TMEFF2: variants seen among roughly 807,000 people sequenced by gnomAD.
TMEFF2 encodes the protein transmembrane protein with EGF like and two follistatin like domains 2, also known as tomoregulin-2.
In TMEFF2, 28 loss-of-function variants were observed where a neutral mutation model predicts 53.8. That is an observed-to-expected ratio of 0.52 (90% CI 0.39 to 0.71). The LOEUF (loss-of-function observed/expected upper bound fraction) is 0.71, where lower values mean the gene tolerates loss of function less well. TMEFF2 is among the 30% of genes least tolerant of loss of function. The pLI is 0.00. For missense variants in TMEFF2, 353 were observed against 455.2 expected, an observed-to-expected ratio of 0.78 and a Z score of 2.04; for synonymous variants, 162 against 166.3, an observed-to-expected ratio of 0.97 and a Z score of 0.20.
intron 9 of TMEFF2, among the ~76,000 whole-genome samples, chr2:191,951,252 G>A (rs1385284269): frequency 8.6e-6 from 1 of 116,028 alleles, no homozygotes; most frequent in Non-Finnish European, 1.9e-5. Context: ...ACATGGAGCT[G>A]AAATCACATT....
rs1382824240 is a variant in TMEFF2 at position 192,134,889 on chromosome 2, T to G, written c.439+44779A>C. Among the ~76,000 whole-genome samples the G allele has an allele frequency of 2.0e-5, 3 of 152,078 alleles. No individual in the cohort carries two copies. In the East Asian group the frequency reaches 5.8e-4, roughly 29 times the overall value. On this transcript the variant is annotated intron_variant, in intron 4 of 9. Coordinates refer to ENST00000272771, the MANE Select transcript of TMEFF2 (RefSeq NM_016192.4). ...ATTTTTTCAGGCTCTTAGTATTCAGTGACAGACTAATGGTCTATTAAAAAC... is the reference window on the plus strand; with the variant it reads ...ATTTTTTCAGGCTCTTAGTATTCAGGGACAGACTAATGGTCTATTAAAAAC...
intron 4 of TMEFF2, among the ~76,000 whole-genome samples, chr2:192,088,747 T>C (rs894696733): frequency 2.0e-5 from 3 of 152,118 alleles, no homozygotes; most frequent in Non-Finnish European, 4.4e-5. Context: ...AATTGGTTTC[T>C]TTTCTTCTGC....
chr2:192,018,185 A>T (rs1179271356), intron 5 of TMEFF2, among the ~76,000 whole-genome samples: 1 of 152,118 alleles, frequency 6.6e-6, no homozygotes, highest in East Asian at 1.9e-4. Flanking sequence ...GTTTTTGTTT[A>T]TCTGAGTCTC....
At chr2:192,056,774 G>C (rs548996127) in intron 5 of TMEFF2, among the ~76,000 whole-genome samples, 1 of 152,052 alleles carries the variant, frequency 6.6e-6, no homozygotes, top group African/African-American at 2.4e-5. Flanking sequence ...GGTTATGGGG[G>C]TGAAGCCTTC....
intron 4 of TMEFF2, among the ~76,000 whole-genome samples, chr2:192,143,736 T>A (rs6716893): frequency 0.29 from 44,227 of 152,006 alleles, 7,414 homozygotes; most frequent in Admixed American, 0.37. Context: ...ACCACACATT[T>A]TCGTTAACTT....
At chr2:192,010,510 C>G (rs1686601742) in intron 5 of TMEFF2, among the ~76,000 whole-genome samples, 2 of 136,778 alleles carry the variant, frequency 1.5e-5, no homozygotes, top group South Asian at 5.2e-4. Context: ...AGGTCTGCAG[C>G]TATTACTGCC....
intron 4 of TMEFF2, among the ~76,000 whole-genome samples, chr2:192,064,260 C>T (rs1688116842): frequency 6.6e-6 from 1 of 151,762 alleles, no homozygotes; most frequent in African/African-American, 2.4e-5. Context: ...TCTATTACTT[C>T]ATGAAAAATT....
intron 4 of TMEFF2, among the ~76,000 whole-genome samples, chr2:192,144,282 T>A (rs765334430): frequency 6.6e-6 from 1 of 152,066 alleles, no homozygotes; most frequent in Non-Finnish European, 1.5e-5. Context: ...TTTTAATGAT[T>A]AGTATGAAAG....
chr2:191,980,467 A>C (rs548361501), intron 7 of TMEFF2, among the ~76,000 whole-genome samples: 1 of 152,324 alleles, frequency 6.6e-6, no homozygotes, highest in East Asian at 1.9e-4. Flanking sequence ...ATCATTATTC[A>C]TCTGGCATTA....
At chr2:192,109,568 G>C (rs1350312724) in intron 4 of TMEFF2, among the ~76,000 whole-genome samples, 1 of 152,094 alleles carries the variant, frequency 6.6e-6, no homozygotes, top group Non-Finnish European at 1.5e-5. Flanking sequence ...TTATAGATAA[G>C]ATAAAAATAA....
chr2:192,102,626 C>CTTTTTTTTTTTTTTTTTTTT (rs10635775), intron 4 of TMEFF2, among the ~76,000 whole-genome samples: 1 of 109,842 alleles, frequency 9.1e-6, no homozygotes, highest in East Asian at 2.7e-4. Context: ...TTTTCTTGTT[C>CTTTTTTTTTTTTTTTTTTTT]TTTTTTTTTT....
intron 4 of TMEFF2, among the ~76,000 whole-genome samples, chr2:192,123,623 C>T (rs1026781076): frequency 2.0e-5 from 3 of 152,162 alleles, no homozygotes; most frequent in African/African-American, 7.2e-5. Context: ...CACTGATATT[C>T]CACTACAACC....
At chr2:191,990,644 A>G (rs1245337622) in intron 7 of TMEFF2, among the ~76,000 whole-genome samples, 1 of 152,006 alleles carries the variant, frequency 6.6e-6, no homozygotes, top group Non-Finnish European at 1.5e-5. Flanking sequence ...GCATTCCACT[A>G]GCAATTGTCT....
chr2:192,017,537 C>G (rs185001691), intron 5 of TMEFF2, among the ~76,000 whole-genome samples: 3 of 152,160 alleles, frequency 2.0e-5, no homozygotes, highest in Non-Finnish European at 4.4e-5. Context: ...ACATTCTATT[C>G]TTTTTCTCAC....
intron 7 of TMEFF2, among the ~76,000 whole-genome samples, 191 bp from the exon 8 acceptor site, chr2:191,956,569 G>T (rs1274002370): frequency 4.6e-5 from 7 of 152,122 alleles, no homozygotes; most frequent in Non-Finnish European, 8.8e-5. Context: ...GATGAAATTT[G>T]CAAAATTACC....
intron 2 of TMEFF2, among the ~76,000 whole-genome samples, 167 bp downstream of exon 2, chr2:192,191,713 G>A (rs894017129): frequency 2.6e-5 from 4 of 152,104 alleles, no homozygotes; most frequent in Admixed American, 1.3e-4. Context: ...TCCAAAAAGC[G>A]TATGTCTTCT....
intron 4 of TMEFF2, among the ~76,000 whole-genome samples, chr2:192,140,556 A>C (rs2105989181): frequency 6.6e-6 from 1 of 152,300 alleles, no homozygotes; most frequent in South Asian, 2.1e-4. Context: ...AGCATTTAAA[A>C]AGAGGATGAC....
At chr2:192,001,509 C>G (rs935135570) in intron 5 of TMEFF2, among the ~76,000 whole-genome samples, 1 of 152,026 alleles carries the variant, frequency 6.6e-6, no homozygotes, top group Non-Finnish European at 1.5e-5. Context: ...GATAGCATGA[C>G]AAAATGGTGC....
intron 4 of TMEFF2, among the ~76,000 whole-genome samples, chr2:192,144,336 G>A (rs972545534): frequency 6.6e-6 from 1 of 152,016 alleles, no homozygotes; most frequent in Non-Finnish European, 1.5e-5. Flanking sequence ...TGGAGAACAG[G>A]TAAATAGATT....
Sources: gnomAD v4.1 joint callset for allele counts (sites outside exome capture counted in the v4.1 genomes callset) on GRCh38, gnomAD v4.1.1 for gene constraint, MANE v1.5 for transcripts, NCBI Gene and HGNC (gene_info 2026-07-23, HGNC 2026-07-21) for gene names.